Variants in C8orf34 observed in about 807,000 individuals in gnomAD.
C8orf34 encodes the protein chromosome 8 open reading frame 34.
A neutral mutation model predicts 68.3 loss-of-function variants in C8orf34; 65 were observed. The observed-to-expected ratio is 0.95, with a 90% CI of 0.78 to 1.17. The LOEUF (loss-of-function observed/expected upper bound fraction) is 1.17. Among genes scored for constraint, C8orf34 ranks in the 50% most tolerant of loss-of-function variants. The pLI, the probability that C8orf34 is intolerant of heterozygous loss-of-function variation, is 0.00. For missense variants in C8orf34, 664 were observed against 655.4 expected (o/e 1.01, Z -0.14); for synonymous variants, 244 against 241.2 (o/e 1.01, Z -0.11).
intron 1 of C8orf34, among the ~76,000 whole-genome samples, chr8:68,420,514 A>T (rs1026610037): frequency 1.3e-5 from 2 of 151,512 alleles, no homozygotes; most frequent in African/African-American, 4.9e-5. Flanking sequence ...AAAACTAATT[A>T]TGAAATGCAA....
Position 68,338,425 on chromosome 8 carries a change from C to G in C8orf34, c.327+7086C>G, listed in dbSNP as rs372404230. Among the ~76,000 whole-genome samples, 6 of 152,234 alleles carry G rather than the reference C, an allele frequency of 3.9e-5. No individual in the cohort carries two copies. The East Asian group carries it at 7.7e-4, about 20-fold the overall frequency. On this transcript the variant is annotated intron_variant, in intron 1 of 13. Coordinates refer to ENST00000518698, the MANE Select transcript of C8orf34 (RefSeq NM_052958.4). ...AGTTGGAACAGGCTCCTCATATGCC[C>G]TTCCTACTGTCTAGAAGCCTGTTTG...
chr8:68,448,476 A>G (rs985771583), intron 3 of C8orf34, among the ~76,000 whole-genome samples: 1 of 152,200 alleles, frequency 6.6e-6, no homozygotes, highest in African/African-American at 2.4e-5. Flanking sequence ...CTCTGTACGT[A>G]GATTGTGATG....
At chr8:68,807,046 T>C (rs532988741) in intron 12 of C8orf34, among the ~76,000 whole-genome samples, 9 of 152,186 alleles carry the variant, frequency 5.9e-5, no homozygotes, top group Non-Finnish European at 8.8e-5. Context: ...CCTGTAGACA[T>C]TTCCTCATGC....
Position 68,624,860 on chromosome 8 carries a change from C to T in C8orf34, c.1106-15516C>T, listed in dbSNP as rs147019300. Among the ~76,000 whole-genome samples the T allele has an allele frequency of 8.9e-4, 135 of 151,420 alleles. 2 individuals carry two copies. The highest frequency in any genetic ancestry group is 1.5e-3 in the African/African-American group (63 of 41,280). On this transcript the variant is annotated intron_variant, in intron 7 of 13. Transcript: ENST00000518698. ...AAATGGTCCTTCTGCCTCAGCCTCC[C>T]GAGTAGTGGGGACCACAGGCATGTG...
intron 8 of C8orf34, among the ~76,000 whole-genome samples, chr8:68,652,607 T>A (rs1343104076): frequency 1.3e-5 from 2 of 152,226 alleles, no homozygotes; most frequent in Non-Finnish European, 2.9e-5. Context: ...AGACAGGGAT[T>A]CATTTTCATT....
chr8:68,737,713 A>G (rs1203056343), intron 10 of C8orf34, among the ~76,000 whole-genome samples: 6 of 152,124 alleles, frequency 3.9e-5, no homozygotes, highest in Non-Finnish European at 8.8e-5. Flanking sequence ...TCAATTCAAG[A>G]AGACTGAAAT....
intron 12 of C8orf34, among the ~76,000 whole-genome samples, chr8:68,794,505 A>ATATTT (rs1313909362): frequency 1.6e-5 from 1 of 62,250 alleles, no homozygotes; most frequent in African/African-American, 1.2e-4. Flanking sequence ...ATATATATAT[A>ATATTT]TTTTTTTTTT....
intron 1 of C8orf34, among the ~76,000 whole-genome samples, chr8:68,353,371 G>A (rs991554657): frequency 6.6e-6 from 1 of 151,890 alleles, no homozygotes; most frequent in Non-Finnish European, 1.5e-5. Context: ...GGAGGGATGG[G>A]GGAAGTTTAA....
intron 9 of C8orf34, among the ~76,000 whole-genome samples, chr8:68,712,316 C>T (rs572107011): frequency 1.3e-4 from 20 of 152,064 alleles, no homozygotes; most frequent in African/African-American, 4.1e-4. Flanking sequence ...AACAGCACAA[C>T]GAATAGAATA....
intron 8 of C8orf34, among the ~76,000 whole-genome samples, chr8:68,703,015 C>A (rs1240505937): frequency 6.6e-6 from 1 of 152,126 alleles, no homozygotes; most frequent in Non-Finnish European, 1.5e-5. Context: ...ACCAAGCAAG[C>A]AAAATTGTAA....
intron 1 of C8orf34, among the ~76,000 whole-genome samples, chr8:68,341,106 C>T (rs114502232): frequency 0.037 from 5,643 of 152,170 alleles, 354 homozygotes; most frequent in African/African-American, 0.13. Flanking sequence ...TCTCATAGTT[C>T]TGGAGGCTGG....
At chr8:68,579,850 T>C (rs1474949646) in intron 7 of C8orf34, among the ~76,000 whole-genome samples, 3 of 152,180 alleles carry the variant, frequency 2.0e-5, no homozygotes, top group Non-Finnish European at 4.4e-5. Flanking sequence ...TAAATGAGAA[T>C]GTCACTTTTC....
chr8:68,607,953 T>C lies in C8orf34; in HGVS notation c.1106-32423T>C, dbSNP rs575552242. On this transcript the variant is annotated intron_variant, in intron 7 of 13. Coordinates refer to ENST00000518698, the MANE Select transcript of C8orf34 (RefSeq NM_052958.4). ...TATAGAGCGACTTTGGAAGTCTGTGTGGTCAGAGAGGCCAGTGAAGTTCCT... is the reference window on the plus strand; with the variant it reads ...TATAGAGCGACTTTGGAAGTCTGTGCGGTCAGAGAGGCCAGTGAAGTTCCT... 8.5e-5 allele frequency among the ~76,000 whole-genome samples: 13 copies of C among 152,240 alleles called. No individual in the cohort carries two copies. The East Asian group carries it at 2.3e-3, about 27-fold the overall frequency.
intron 12 of C8orf34, among the ~76,000 whole-genome samples, chr8:68,811,086 G>A (rs1824636892): frequency 6.6e-6 from 1 of 152,174 alleles, no homozygotes; most frequent in East Asian, 1.9e-4. Context: ...CAGGTTGTTT[G>A]TGCCATAGGG....
chr8:68,483,107 C>G (rs906376145), intron 4 of C8orf34, among the ~76,000 whole-genome samples: 3 of 152,156 alleles, frequency 2.0e-5, no homozygotes, highest in African/African-American at 7.2e-5. Context: ...GTTGCTACTT[C>G]CGTTTCCTAT....
chr8:68,600,830 T>C (rs1817676585), intron 7 of C8orf34, among the ~76,000 whole-genome samples: 1 of 152,168 alleles, frequency 6.6e-6, no homozygotes, highest in South Asian at 2.1e-4. Flanking sequence ...CCATAGTCAC[T>C]CTACTCTGCT....
chr8:68,492,859 G>A (rs1277082948), intron 5 of C8orf34, among the ~76,000 whole-genome samples: 2 of 151,622 alleles, frequency 1.3e-5, no homozygotes, highest in African/African-American at 4.8e-5. Flanking sequence ...GCTTCAAGAA[G>A]TAGCCCAGTA....
intron 7 of C8orf34, among the ~76,000 whole-genome samples, chr8:68,590,971 C>T (rs1586419396): frequency 6.6e-6 from 1 of 152,088 alleles, no homozygotes; most frequent in African/African-American, 2.4e-5. Context: ...TTCCGAAGAA[C>T]CCAGATGAGA....
intron 12 of C8orf34, among the ~76,000 whole-genome samples, chr8:68,802,985 TCGTATATCTA>T (rs1289169538): frequency 6.6e-6 from 1 of 152,120 alleles, no homozygotes; most frequent in East Asian, 1.9e-4. Flanking sequence ...ATCTGAGTAG[TCGTATATCTA>T]TTAAAAATTA....
Sources: allele counts gnomAD v4.1 joint callset (sites outside exome capture counted in the v4.1 genomes callset), GRCh38; gene constraint gnomAD v4.1.1; transcripts MANE v1.5; gene names NCBI Gene and HGNC (gene_info 2026-07-23, HGNC 2026-07-21).